Variants in PRAM1 observed in about 807,000 individuals in gnomAD.
PRAM1 encodes the protein PML-RARA regulated adaptor molecule 1, also known as PML-RARA-regulated adapter molecule 1.
PRAM1 carries 41 observed loss-of-function variants against 55.3 expected under a neutral mutation model. That is an observed-to-expected ratio of 0.74 (90% CI 0.58 to 0.96). The LOEUF is 0.96. Ranked by LOEUF, PRAM1 falls within the 40% of genes least tolerant of loss-of-function variation. The probability of loss-of-function intolerance (pLI) is 0.00; values close to 1 mark genes in which losing one functional copy is unlikely to be tolerated. For missense variants in PRAM1, 898 were observed against 892.7 expected (o/e 1.01, Z -0.08); for synonymous variants, 401 against 387.1 (o/e 1.04, Z -0.42).
intron 4 of PRAM1, among the ~76,000 whole-genome samples, chr19:8,494,539 G>A (rs1971670861): frequency 6.6e-6 from 1 of 152,168 alleles, no homozygotes; most frequent in Non-Finnish European, 1.5e-5. Flanking sequence ...TCTGGCCCCC[G>A]CTGAAAGCCC....
rs760589066 is a variant in PRAM1 at position 8,498,872 on chromosome 19, G to C, written c.936C>G (p.Ala312=). The C allele has an allele frequency of 6.2e-7, 1 of 1,610,078 alleles. No homozygotes were observed. Among genetic ancestry groups the C allele is most frequent in the East Asian group, 2.2e-5 (1 of 44,712 alleles). ...VSVLPKRPRP[A]EFKALSKKPP... ...GCTTCTTGGAGAGCGCTTTGAATTC[G>C]GCCGGCCGCGGCCTCTTGGGAAGCA... The change falls in exon 2 of 10, where the codon GCC becomes GCG. Residue 312 remains alanine (A), a synonymous_variant. Coordinates refer to ENST00000423345, the MANE Select transcript of PRAM1 (RefSeq NM_032152.5).
intron 3 of PRAM1, among the ~76,000 whole-genome samples, 168 bp from the exon 4 acceptor site, chr19:8,498,008 A>C (rs1971724521): frequency 6.6e-6 from 1 of 150,522 alleles, no homozygotes; most frequent in African/African-American, 2.5e-5. Flanking sequence ...CAGCCTCCCA[A>C]GTAGCTGGGA....
rs781547030 is a variant in PRAM1, at chr19:8,498,896, C to A, written c.912G>T (p.Val304=). The change falls in exon 2 of 10, where the codon GTG becomes GTT. Residue 304 remains valine, a synonymous_variant. Transcript: ENST00000423345. ...CGGCCGGCCGCGGCCTCTTGGGAAG[C>A]ACGCTGACTTCGGGCTCTGAGGAGG... ...TRTSSEPEVS[V]LPKRPRPAEF... 5.6e-6 allele frequency: 9 copies of A among 1,612,894 alleles called. No individual in the cohort carries two copies. In the Middle Eastern group the frequency reaches 4.9e-4, roughly 88 times the overall value.
chr19:8,496,222 T>C (rs1326720227), intron 4 of PRAM1: 1 of 399,530 alleles, frequency 2.5e-6, no homozygotes, highest in Admixed American at 2.8e-5. Context: ...AAGGCCAGCC[T>C]GGCCAATGTA....
rs760001826 is a variant in PRAM1, at chr19:8,490,293, G to A, written c.1975+45C>T. The A allele has an allele frequency of 6.8e-6, 11 of 1,613,888 alleles. No homozygotes were observed. The South Asian group carries it at 1.1e-4, about 16-fold the overall frequency. ...AGCCCAATAGTGAGCAGCGCCCCCG[G>A]GGAATCGCCAGGGTCCCTCCAGCCC... On this transcript the variant is annotated intron_variant, in intron 9 of 9. Coordinates refer to ENST00000423345, the MANE Select transcript of PRAM1 (RefSeq NM_032152.5). The surrounding 1 kb of genome is among the most constrained non-coding windows in gnomAD (Gnocchi z 7.3).
chr19:8,492,251 C>CTTTTGT (rs1241390381), intron 4 of PRAM1, among the ~76,000 whole-genome samples: 2 of 115,758 alleles, frequency 1.7e-5, no homozygotes, highest in Admixed American at 1.0e-4. Context: ...TTTTTTGTTT[C>CTTTTGT]TTTTGTTTTT....
rs368791056 is a variant in PRAM1 at position 8,499,556 on chromosome 19, C to T, written c.252G>A (p.Pro84=). 3.8e-5 allele frequency: 57 copies of T among 1,501,596 alleles called. No individual in the cohort carries two copies. Among genetic ancestry groups the T allele is most frequent in the African/African-American group, 1.0e-4 (7 of 66,756 alleles). The allele number at this position is 1,501,596 out of a possible 1,614,324, so 93.0% of individuals were successfully genotyped here. ...TGGGGAGGTCAGTGACCTCAGGCGG[C>T]GGGGGCTTCTTGGGGAGGTCAGTGA... ...PEVTDLPKKP[P]PPEVTDLPKK... is the part of the protein sequence containing the mutation. Residue 84 remains proline (P), a synonymous_variant, in exon 2 of 10, where the codon CCG becomes CCA. Transcript: ENST00000423345.
intron 4 of PRAM1, chr19:8,491,641 TC>T (rs1271786055): frequency 5.1e-6 from 1 of 196,806 alleles, no homozygotes; most frequent in Non-Finnish European, 1.1e-5. Flanking sequence ...CGCAAGCCTT[TC>T]TCAGGGGTCA....
rs900018925 is a variant in PRAM1 at position 8,499,157 on chromosome 19, C to T, written c.651G>A (p.Ala217=). ...PELSTFPKKP[A]QPEFNVYPKK... ...TGGGGTACACGTTGAACTCAGGCTG[C>T]GCAGGCTTCTTGGGAAAGGTACTCA... Residue 217 remains alanine (A), a synonymous_variant, in exon 2 of 10, where the codon GCG becomes GCA. Coordinates refer to ENST00000423345, the MANE Select transcript of PRAM1 (RefSeq NM_032152.5). 3 of 1,613,142 alleles carry T rather than the reference C, an allele frequency of 1.9e-6. No homozygotes were observed. Among genetic ancestry groups the T allele is most frequent in the Non-Finnish European group, 2.5e-6 (3 of 1,179,696 alleles).
At chr19:8,502,513 C>T (rs1470188104) in intron 1 of PRAM1, 52 bp downstream of exon 1, 3 of 1,146,846 alleles carry the variant, frequency 2.6e-6, no homozygotes, top group African/African-American at 1.7e-5. Context: ...CTGGGAACAT[C>T]TGTGTCCCTT....
chr19:8,499,775 G>A lies in PRAM1; in HGVS notation c.33C>T (p.Ser11=), dbSNP rs1971779936. 2 of 1,597,338 alleles carry A rather than the reference G, an allele frequency of 1.3e-6. No individual in the cohort carries two copies. The highest frequency in any genetic ancestry group is 2.7e-5 in the African/African-American group (2 of 74,276). MAHHLPAAME[S]HQDFRSIKAK... The stretch of plus-strand genomic sequence containing the variant: ...CTTTGATGCTCCGGAAGTCCTGATG[G>A]CTCTCCTAGGAGACGCAGAGCCAAT... The change falls in exon 2 of 10, where the codon AGC becomes AGT. Residue 11 remains serine (S), a synonymous_variant. Coordinates refer to ENST00000423345, the MANE Select transcript of PRAM1 (RefSeq NM_032152.5).
At chr19:8,491,455 ACTC>A in intron 4 of PRAM1, 1 of 477,748 alleles carries the variant, frequency 2.1e-6, no homozygotes, top group Non-Finnish European at 3.8e-6. Context: ...CTGGTCTTGA[ACTC>A]CTGACCTCAG....
chr19:8,494,486 CTG>C (rs1568314767), intron 4 of PRAM1, among the ~76,000 whole-genome samples: 1 of 152,226 alleles, frequency 6.6e-6, no homozygotes, highest in African/African-American at 2.4e-5. Context: ...CCCAGGCCCT[CTG>C]AGGCTGTCAG....
At position 8,499,230 on chromosome 19, in the gene PRAM1, C is replaced by G; in HGVS notation, c.578G>C (p.Trp193Ser). 6.2e-7 allele frequency: 1 copy of G among 1,612,316 alleles called. No homozygotes were observed. Among genetic ancestry groups the G allele is most frequent in the Admixed American group, 1.7e-5 (1 of 59,828 alleles). ...PKSGAFPRKL[W>S]QPEAGEATPR... The stretch of plus-strand genomic sequence containing the variant: ...GGTAGCCTCACCGGCCTCGGGTTGC[C>G]AGAGCTTCCTGGGGAATGCGCCGGA... The change falls in exon 2 of 10, where the codon TGG (tryptophan) becomes TCG (serine). Residue 193 changes from tryptophan to serine, a missense_variant. Transcript: ENST00000423345.
chr19:8,490,941 C>T lies in PRAM1; in HGVS notation c.1689G>A (p.Leu563=), dbSNP rs1424462579. Reference sequence around the variant, plus strand: ...CCTTCTCTGCCTTCCTCAGCTGCTTCAGCAACTTTGGGTCCATGGGTGGCA... The same window carrying T: ...CCTTCTCTGCCTTCCTCAGCTGCTTTAGCAACTTTGGGTCCATGGGTGGCA... ...QQLPPMDPKL[L]KQLRKAEKAE... is the part of the protein sequence containing the mutation. The change falls in exon 6 of 10, where the codon CTG becomes CTA. Residue 563 remains leucine, a synonymous_variant. Coordinates refer to ENST00000423345, the MANE Select transcript of PRAM1 (RefSeq NM_032152.5). The surrounding 1 kb of genome is among the most constrained non-coding windows in gnomAD (Gnocchi z 7.3). The T allele has an allele frequency of 6.2e-7, 1 of 1,613,878 alleles. No individual in the cohort carries two copies.
chr19:8,499,161 G>C lies in PRAM1; in HGVS notation c.647C>G (p.Pro216Arg), dbSNP rs755571156. Reference sequence around the variant, plus strand: ...GTACACGTTGAACTCAGGCTGCGCAGGCTTCTTGGGAAAGGTACTCAACTC... The same window carrying C: ...GTACACGTTGAACTCAGGCTGCGCACGCTTCTTGGGAAAGGTACTCAACTC... ...QPELSTFPKKPAQPEFNVYPK... is the reference protein window; with the variant it reads ...QPELSTFPKKRAQPEFNVYPK... Residue 216 changes from proline to arginine, a missense_variant, in exon 2 of 10, where the codon CCT becomes CGT. By Grantham distance (103) the Pro-to-Arg change is moderately radical. Transcript: ENST00000423345. 3.1e-6 allele frequency: 5 copies of C among 1,613,740 alleles called. No individual in the cohort carries two copies. The East Asian group carries it at 8.9e-5, about 29-fold the overall frequency.
intron 1 of PRAM1, among the ~76,000 whole-genome samples, chr19:8,501,684 T>C (rs993783016): frequency 2.0e-5 from 3 of 152,102 alleles, no homozygotes; most frequent in African/African-American, 7.2e-5. Flanking sequence ...GACAGCCATG[T>C]ACTCAGCCTG....
intron 4 of PRAM1, among the ~76,000 whole-genome samples, chr19:8,494,903 G>A (rs1313305995): frequency 6.7e-6 from 1 of 149,010 alleles, no homozygotes; most frequent in Admixed American, 6.8e-5. Flanking sequence ...AAAGTGCTGG[G>A]ATTACAGGCG....
At chr19:8,495,095 A>G (rs1370775199) in intron 4 of PRAM1, among the ~76,000 whole-genome samples, 1 of 150,588 alleles carries the variant, frequency 6.6e-6, no homozygotes, top group East Asian at 2.0e-4. Context: ...GCATGCCACC[A>G]TGCCCGACTC....
Sources: gnomAD v4.1 joint callset for allele counts (sites outside exome capture counted in the v4.1 genomes callset) on GRCh38, gnomAD v4.1.1 for gene constraint, Gnocchi (gnomAD v3.1) non-coding constraint, MANE v1.5 for transcripts, NCBI Gene and HGNC (gene_info 2026-07-23, HGNC 2026-07-21) for gene names.